Variants in DLG2 observed in about 807,000 individuals in gnomAD.
DLG2 encodes the protein disks large homolog 2.
A neutral mutation model predicts 132.5 loss-of-function variants in DLG2; 45 were observed. The observed-to-expected ratio is 0.34, with a 90% CI of 0.27 to 0.44. The LOEUF is 0.44. Among genes scored for constraint, DLG2 ranks in the 20% least tolerant of loss-of-function variants. The pLI is 1.00. For synonymous variants in DLG2, 424 were observed against 419.6 expected (o/e 1.01, Z -0.13); for missense variants, 1,045 against 1,196.9 (o/e 0.87, Z 1.87).
intron 10 of DLG2, among the ~76,000 whole-genome samples, chr11:84,077,862 G>A (rs2096850332): frequency 6.6e-6 from 1 of 152,006 alleles, no homozygotes; most frequent in African/African-American, 2.4e-5. Context: ...ATATCACTAT[G>A]TTAGAACATT....
At chr11:83,537,959 G>T (rs1244609783) in intron 20 of DLG2, among the ~76,000 whole-genome samples, 1 of 151,878 alleles carries the variant, frequency 6.6e-6, no homozygotes, top group African/African-American at 2.4e-5. Flanking sequence ...TTTGAATTCT[G>T]CCTCTTCCAC....
At chr11:83,955,002 G>T (rs1240832387) in intron 14 of DLG2, among the ~76,000 whole-genome samples, 1 of 152,138 alleles carries the variant, frequency 6.6e-6, no homozygotes, top group African/African-American at 2.4e-5. Context: ...AATATTGTTG[G>T]CTACAGTTCC....
intron 6 of DLG2, among the ~76,000 whole-genome samples, chr11:84,881,233 A>G (rs1408722403): frequency 6.6e-6 from 1 of 152,118 alleles, no homozygotes; most frequent in Non-Finnish European, 1.5e-5. Flanking sequence ...ATAACAGGTT[A>G]TAAGATTTGG....
At chr11:85,053,675 G>A (rs1051649304) in intron 6 of DLG2, among the ~76,000 whole-genome samples, 12 of 148,662 alleles carry the variant, frequency 8.1e-5, no homozygotes, top group Admixed American at 1.3e-4. Flanking sequence ...GGTGGTGGGC[G>A]CCTGTAGTCC....
intron 6 of DLG2, among the ~76,000 whole-genome samples, chr11:85,033,577 G>A (rs2061207490): frequency 6.6e-6 from 1 of 152,128 alleles, no homozygotes; most frequent in Non-Finnish European, 1.5e-5. Context: ...AAACCCAGTG[G>A]CAAATGGAAA....
At chr11:84,294,357 G>C (rs2098057060) in intron 7 of DLG2, among the ~76,000 whole-genome samples, 3 of 152,132 alleles carry the variant, frequency 2.0e-5, no homozygotes, top group African/African-American at 7.2e-5. Flanking sequence ...CCAGCACTTT[G>C]GGAGGCCAAG....
intron 18 of DLG2, chr11:83,786,399 C>T (rs2039948711): frequency 3.2e-6 from 1 of 315,620 alleles, no homozygotes; most frequent in African/African-American, 2.1e-5. Flanking sequence ...CCATTGGTGA[C>T]CGAAAGTGTG....
intron 7 of DLG2, chr11:84,316,790 G>C: frequency 1.9e-6 from 3 of 1,555,112 alleles, no homozygotes; most frequent in South Asian, 2.4e-5. Flanking sequence ...ACTTTCTTCA[G>C]ACACTCAAGG....
At chr11:85,429,397 A>G (rs1169060921) in intron 3 of DLG2, among the ~76,000 whole-genome samples, 1 of 152,200 alleles carries the variant, frequency 6.6e-6, no homozygotes, top group East Asian at 1.9e-4. Context: ...GCACGGCAAA[A>G]GAAAATACCA....
chr11:84,987,923 CTTAA>C (rs2056674082), intron 6 of DLG2, among the ~76,000 whole-genome samples: 1 of 152,122 alleles, frequency 6.6e-6, no homozygotes, highest in South Asian at 2.1e-4. Context: ...ATAGCTGGGA[CTTAA>C]TTAAACAAAG....
chr11:83,512,804 T>C (rs905286461), intron 21 of DLG2, among the ~76,000 whole-genome samples: 1 of 152,110 alleles, frequency 6.6e-6, no homozygotes, highest in African/African-American at 2.4e-5. Flanking sequence ...GTCCTTGCGA[T>C]AGTTTGCTGA....
intron 18 of DLG2, among the ~76,000 whole-genome samples, chr11:83,737,531 C>G (rs1016416410): frequency 1.3e-5 from 2 of 152,144 alleles, no homozygotes; most frequent in African/African-American, 4.8e-5. Flanking sequence ...AAACACATCT[C>G]AAATATATTC....
At chr11:84,364,098 G>T (rs1359805028) in intron 7 of DLG2, among the ~76,000 whole-genome samples, 1 of 151,928 alleles carries the variant, frequency 6.6e-6, no homozygotes, top group Non-Finnish European at 1.5e-5. Context: ...AATTACCTTG[G>T]GCAGTATGGC....
At chr11:84,980,045 C>T (rs140369017) in intron 6 of DLG2, among the ~76,000 whole-genome samples, 237 of 151,970 alleles carry the variant, frequency 1.6e-3, no homozygotes, top group African/African-American at 5.3e-3. Context: ...TTTTGGAAAC[C>T]TTAGTATCAT....
chr11:85,158,686 G>A (rs952122047), intron 4 of DLG2, among the ~76,000 whole-genome samples: 22 of 152,126 alleles, frequency 1.4e-4, no homozygotes, highest in African/African-American at 3.9e-4. Context: ...GGGGCCAAGC[G>A]GTAGCACTCA....
intron 6 of DLG2, among the ~76,000 whole-genome samples, chr11:84,961,842 A>G (rs1263609700): frequency 1.3e-5 from 2 of 152,182 alleles, no homozygotes; most frequent in Non-Finnish European, 2.9e-5. Context: ...AACTGAAGAA[A>G]GGAGTCCTGC....
chr11:83,854,395 T>C (rs1025668585), intron 16 of DLG2, among the ~76,000 whole-genome samples: 6 of 152,122 alleles, frequency 3.9e-5, no homozygotes, highest in African/African-American at 7.2e-5. Context: ...AGACCCCAAA[T>C]AGCAAGCAAA....
chr11:84,339,266 G>T (rs2098502858), intron 7 of DLG2, among the ~76,000 whole-genome samples: 1 of 152,056 alleles, frequency 6.6e-6, no homozygotes, highest in African/African-American at 2.4e-5. Context: ...AGGATGAAGG[G>T]GGCCTACACT....
At chr11:84,042,457 T>C (rs555323002) in intron 11 of DLG2, among the ~76,000 whole-genome samples, 2 of 152,042 alleles carry the variant, frequency 1.3e-5, no homozygotes, top group African/African-American at 2.4e-5. Flanking sequence ...AAAATTTTTG[T>C]TATTTTTATT....
Sources: allele counts gnomAD v4.1 joint callset (sites outside exome capture counted in the v4.1 genomes callset), GRCh38; gene constraint gnomAD v4.1.1; transcripts MANE v1.5; gene names NCBI Gene and HGNC (gene_info 2026-07-23, HGNC 2026-07-21).